SPMIP2: variants seen among roughly 807,000 people sequenced by gnomAD.
SPMIP2 encodes sperm microtubule inner protein 2.
At chr4:158,986,423 G>T in the SPMIP2 span, among the ~76,000 whole-genome samples, 2 of 152,180 alleles carry the variant, frequency 1.3e-5, no homozygotes, top group African/African-American at 4.8e-5. Context: ...CATGGTACTG[G>T]TATCAAAACA....
At chr4:159,022,827 C>T in the SPMIP2 span, among the ~76,000 whole-genome samples, 3 of 151,964 alleles carry the variant, frequency 2.0e-5, no homozygotes, top group East Asian at 1.9e-4. Flanking sequence ...GTTAGGAGAT[C>T]GAGACCATCC....
the SPMIP2 span, among the ~76,000 whole-genome samples, chr4:159,069,032 G>A: frequency 2.0e-5 from 3 of 152,120 alleles, no homozygotes; most frequent in African/African-American, 2.4e-5. Context: ...GCTGGGTGCC[G>A]TGGCTCACAC....
the SPMIP2 span, among the ~76,000 whole-genome samples, chr4:159,039,823 T>C: frequency 1.3e-5 from 2 of 152,226 alleles, no homozygotes; most frequent in East Asian, 3.8e-4. Flanking sequence ...TAATTCAGAG[T>C]TGATAACCAC....
chr4:158,911,388 T>A, the SPMIP2 span, among the ~76,000 whole-genome samples: 291 of 148,574 alleles, frequency 2.0e-3, 1 homozygote, highest in African/African-American at 6.0e-3. Context: ...ATAAATAAAA[T>A]AAATAAAAGC....
chr4:158,913,983 T>C, the SPMIP2 span, among the ~76,000 whole-genome samples: 1 of 152,162 alleles, frequency 6.6e-6, no homozygotes, highest in Non-Finnish European at 1.5e-5. Flanking sequence ...GGAAAGAGTA[T>C]ATCACGTTCT....
the SPMIP2 span, among the ~76,000 whole-genome samples, chr4:158,986,144 C>G: frequency 1.1e-4 from 16 of 151,234 alleles, no homozygotes; most frequent in Non-Finnish European, 1.9e-4. Context: ...AGGATACAAA[C>G]AAATGGAAGA....
chr4:159,072,518 T>G, the SPMIP2 span, among the ~76,000 whole-genome samples: 2 of 145,044 alleles, frequency 1.4e-5, no homozygotes, highest in Non-Finnish European at 3.0e-5. Flanking sequence ...GTGTGGAGTG[T>G]AGTGGTACTA....
chr4:158,998,580 T>TA, the SPMIP2 span, among the ~76,000 whole-genome samples: 1 of 152,180 alleles, frequency 6.6e-6, no homozygotes, highest in East Asian at 1.9e-4. Flanking sequence ...TTCTTATTAT[T>TA]AGAGTTGTAT....
the SPMIP2 span, among the ~76,000 whole-genome samples, chr4:159,005,921 C>T: frequency 2.6e-5 from 4 of 152,250 alleles, no homozygotes; most frequent in South Asian, 2.1e-4. Context: ...TGTGCCACCA[C>T]GCCCAGCTAA....
chr4:158,940,422 G>T, the SPMIP2 span, among the ~76,000 whole-genome samples: 3 of 152,130 alleles, frequency 2.0e-5, no homozygotes. Context: ...GGGTGGTGGT[G>T]TGTTTTTCCA....
chr4:158,910,744 G>C, the SPMIP2 span, among the ~76,000 whole-genome samples: 5 of 152,176 alleles, frequency 3.3e-5, no homozygotes, highest in Non-Finnish European at 5.9e-5. Flanking sequence ...ACTGCCTTCA[G>C]GCTGGAGCTG....
At chr4:159,081,699 A>AAG in the SPMIP2 span, among the ~76,000 whole-genome samples, 2 of 151,892 alleles carry the variant, frequency 1.3e-5, no homozygotes, top group African/African-American at 2.4e-5. Flanking sequence ...TGTCTCCAAA[A>AAG]AGAGAGAGAG....
chr4:158,914,219 G>A, the SPMIP2 span, among the ~76,000 whole-genome samples: 1 of 152,124 alleles, frequency 6.6e-6, no homozygotes, highest in Non-Finnish European at 1.5e-5. Context: ...ATTTCACTTG[G>A]ACCCATCTCA....
chr4:158,897,916 G>A, the SPMIP2 span, among the ~76,000 whole-genome samples: 10 of 152,290 alleles, frequency 6.6e-5, no homozygotes, highest in East Asian at 1.9e-3. Flanking sequence ...CTTTGCCCAT[G>A]CCTATGCCTG....
chr4:159,052,957 T>TGTTA, the SPMIP2 span, among the ~76,000 whole-genome samples: 2 of 103,902 alleles, frequency 1.9e-5, no homozygotes, highest in South Asian at 6.2e-4. Context: ...TTATTATTAT[T>TGTTA]TTTTTTTTTT....
chr4:158,945,584 C>A, the SPMIP2 span, among the ~76,000 whole-genome samples: 58 of 152,182 alleles, frequency 3.8e-4, no homozygotes, highest in Admixed American at 1.4e-3. Context: ...TTTAAAGCAC[C>A]CTTGCAAGGA....
chr4:159,003,246 G>A, the SPMIP2 span, among the ~76,000 whole-genome samples: 1 of 152,098 alleles, frequency 6.6e-6, no homozygotes, highest in Non-Finnish European at 1.5e-5. Flanking sequence ...AGCATGATGT[G>A]TAGAAAAGAG....
the SPMIP2 span, among the ~76,000 whole-genome samples, chr4:159,029,446 T>C: frequency 6.6e-6 from 1 of 152,242 alleles, no homozygotes; most frequent in African/African-American, 2.4e-5. Flanking sequence ...GTATGTTATA[T>C]ATCAACTTTT....
chr4:159,075,109 A>C, the SPMIP2 span, among the ~76,000 whole-genome samples: 5 of 152,328 alleles, frequency 3.3e-5, no homozygotes, highest in South Asian at 1.0e-3. Flanking sequence ...GCCTAGAAGC[A>C]AGCAAACAAC....
Sources: gnomAD v4.1 joint callset for allele counts (sites outside exome capture counted in the v4.1 genomes callset) on GRCh38, gnomAD v4.1.1 for gene constraint, MANE v1.5 for transcripts, NCBI Gene and HGNC (gene_info 2026-07-23, HGNC 2026-07-21) for gene names.